Variants in SLC9A9 observed in about 807,000 individuals in gnomAD.
SLC9A9 encodes sodium/hydrogen exchanger 9.
Under a neutral mutation model 77.8 loss-of-function variants are expected in SLC9A9, and 62 were observed. That is an observed-to-expected ratio of 0.80 (90% CI 0.65 to 0.98). SLC9A9 has a LOEUF of 0.98. Ranked by LOEUF, SLC9A9 falls within the 50% of genes least tolerant of loss-of-function variation. The pLI, the probability that SLC9A9 is intolerant of heterozygous loss-of-function variation, is 0.00. For synonymous variants in SLC9A9, 320 were observed against 283.5 expected, an observed-to-expected ratio of 1.13 and a Z score of -1.29; for missense variants, 775 against 774.9, an observed-to-expected ratio of 1.00 and a Z score of 0.00.
intron 4 of SLC9A9, among the ~76,000 whole-genome samples, chr3:143,760,291 A>T (rs1333192780): frequency 6.6e-6 from 1 of 152,202 alleles, no homozygotes; most frequent in Non-Finnish European, 1.5e-5. Flanking sequence ...GGCACAAGAC[A>T]GAGATGCCCT....
chr3:143,772,225 G>A (rs1318094951), intron 4 of SLC9A9, among the ~76,000 whole-genome samples: 1 of 152,120 alleles, frequency 6.6e-6, no homozygotes, highest in African/African-American at 2.4e-5. Flanking sequence ...TATCACCTCT[G>A]TGAATCAGCG....
intron 12 of SLC9A9, among the ~76,000 whole-genome samples, chr3:143,417,945 C>G (rs1431569955): frequency 2.6e-5 from 4 of 151,926 alleles, no homozygotes; most frequent in Non-Finnish European, 5.9e-5. Flanking sequence ...CCATGCACTT[C>G]TTGTGGTCTG....
At chr3:143,665,885 C>T (rs1295802979) in intron 5 of SLC9A9, among the ~76,000 whole-genome samples, 2 of 152,118 alleles carry the variant, frequency 1.3e-5, no homozygotes, top group Non-Finnish European at 2.9e-5. Context: ...GATTCACAGA[C>T]GAATTCTACC....
At chr3:143,779,360 T>A (rs770657558) in intron 4 of SLC9A9, among the ~76,000 whole-genome samples, 11 of 152,028 alleles carry the variant, frequency 7.2e-5, no homozygotes, top group Non-Finnish European at 1.3e-4. Context: ...TAATCCTCAG[T>A]TTTTTGGGTT....
chr3:143,345,574 C>G (rs1433049341), intron 14 of SLC9A9, among the ~76,000 whole-genome samples: 3 of 152,048 alleles, frequency 2.0e-5, no homozygotes, highest in African/African-American at 7.2e-5. Flanking sequence ...AGAAGGAGAG[C>G]AAATGGGCTG....
chr3:143,818,944 A>T (rs35961568), intron 2 of SLC9A9, among the ~76,000 whole-genome samples: 82,861 of 151,812 alleles, frequency 0.55, 25,962 homozygotes, highest in Non-Finnish European at 0.69. Context: ...TTAGCTGGGC[A>T]TGGTTGTGCA....
At chr3:143,636,501 A>G (rs568976308) in intron 6 of SLC9A9, among the ~76,000 whole-genome samples, 2 of 152,292 alleles carry the variant, frequency 1.3e-5, no homozygotes, top group African/African-American at 2.4e-5. Context: ...TTTAGGGGGT[A>G]CAGGGGCAGA....
At chr3:143,281,366 A>G (rs1194799368) in intron 14 of SLC9A9, among the ~76,000 whole-genome samples, 1 of 151,890 alleles carries the variant, frequency 6.6e-6, no homozygotes, top group Non-Finnish European at 1.5e-5. Context: ...ACAGTATTCT[A>G]TTTCATTAAA....
In SLC9A9 at chr3:143,500,559, A is replaced by G. The variant is rs150112856; in HGVS notation, c.1090-5111T>C. Among the ~76,000 whole-genome samples, 27 of 152,210 alleles carry G rather than the reference A, an allele frequency of 1.8e-4. No homozygotes were observed. The East Asian group carries it at 5.2e-3, about 29-fold the overall frequency. On this transcript the variant is annotated intron_variant, in intron 9 of 15. Coordinates refer to ENST00000316549, the MANE Select transcript of SLC9A9 (RefSeq NM_173653.4). ...CCTGGATGTCATGGCTGCTCATGTC[A>G]GACACCTGCTTTTCTGTGTATGACA... is the stretch of plus-strand genomic sequence containing the variant.
intron 6 of SLC9A9, among the ~76,000 whole-genome samples, chr3:143,582,471 T>C (rs938372802): frequency 6.6e-6 from 1 of 152,162 alleles, no homozygotes; most frequent in African/African-American, 2.4e-5. Flanking sequence ...TCCACAAGTC[T>C]CACAATAACA....
chr3:143,712,878 A>G (rs1191560643), intron 4 of SLC9A9, among the ~76,000 whole-genome samples: 1 of 152,142 alleles, frequency 6.6e-6, no homozygotes, highest in African/African-American at 2.4e-5. Flanking sequence ...TTGGGAAGAG[A>G]TTACTCCTTT....
In SLC9A9 at chr3:143,551,945, C is replaced by T. The variant is rs76874423; in HGVS notation, c.1089+417G>A. Among the ~76,000 whole-genome samples, 1,451 of 152,292 alleles carry T rather than the reference C, an allele frequency of 9.5e-3. 28 individuals carry two copies. The highest frequency in any genetic ancestry group is 0.033 in the African/African-American group (1,376 of 41,562). On this transcript the variant is annotated intron_variant, in intron 9 of 15. Coordinates refer to ENST00000316549, the MANE Select transcript of SLC9A9 (RefSeq NM_173653.4). The stretch of plus-strand genomic sequence containing the variant: ...TATATTCTGCTTGTGTGACAACTGG[C>T]AGTTGAGTTTGCTTGGCATCAAAAG...
At chr3:143,785,845 CTTTTTTTTTTTTTTTTT>C (rs57552730) in intron 4 of SLC9A9, among the ~76,000 whole-genome samples, 3 of 112,992 alleles carry the variant, frequency 2.7e-5, no homozygotes. Context: ...TTGAATTTTT[CTTTTTTTTTTTTTTTTT>C]TTTTTTTTTT....
At chr3:143,435,882 C>T (rs2034612708) in intron 12 of SLC9A9, among the ~76,000 whole-genome samples, 1 of 152,192 alleles carries the variant, frequency 6.6e-6, no homozygotes, top group African/African-American at 2.4e-5. Flanking sequence ...GGAGGGTTAA[C>T]AGAGTTACAC....
At chr3:143,381,797 G>T in intron 13 of SLC9A9, 1 of 475,818 alleles carries the variant, frequency 2.1e-6, no homozygotes, top group East Asian at 3.9e-5. Flanking sequence ...CATTCCAAGA[G>T]CCATCATATA....
intron 14 of SLC9A9, among the ~76,000 whole-genome samples, chr3:143,326,493 C>T (rs2031606271): frequency 6.6e-6 from 1 of 152,112 alleles, no homozygotes; most frequent in Non-Finnish European, 1.5e-5. Context: ...GGCCTTCTTT[C>T]TGTTTCTTCA....
At chr3:143,659,541 TC>T (rs1182086272) in intron 5 of SLC9A9, among the ~76,000 whole-genome samples, 1 of 152,136 alleles carries the variant, frequency 6.6e-6, no homozygotes, top group African/African-American at 2.4e-5. Context: ...ACATTCCTGC[TC>T]CTTAAATAGA....
intron 6 of SLC9A9, among the ~76,000 whole-genome samples, chr3:143,620,865 G>A (rs532561847): frequency 6.6e-6 from 1 of 152,278 alleles, no homozygotes; most frequent in African/African-American, 2.4e-5. Context: ...CCCTTTCCTA[G>A]TCGAAGAAAG....
chr3:143,493,507 C>CT (rs1405330818), intron 11 of SLC9A9, 146 bp downstream of exon 11: 2 of 695,338 alleles, frequency 2.9e-6, no homozygotes, highest in Non-Finnish European at 5.0e-6. Flanking sequence ...TTGCTCAGCA[C>CT]TTACGGAGAA....
Sources: gnomAD v4.1 joint callset for allele counts (sites outside exome capture counted in the v4.1 genomes callset) on GRCh38, gnomAD v4.1.1 for gene constraint, MANE v1.5 for transcripts, NCBI Gene and HGNC (gene_info 2026-07-23, HGNC 2026-07-21) for gene names.